REEP5: variants seen among roughly 807,000 people sequenced by gnomAD.
REEP5 encodes the protein receptor accessory protein 5, also known as receptor expression-enhancing protein 5.
A neutral mutation model predicts 22.4 loss-of-function variants in REEP5; 24 were observed. The observed-to-expected ratio is 1.07, with a 90% CI of 0.78 to 1.51. REEP5 has a LOEUF of 1.51. REEP5 is among the 40% of genes most tolerant of loss of function. REEP5 has a pLI of 0.00. For missense variants in REEP5, 252 were observed against 233.0 expected (o/e 1.08, Z -0.53); for synonymous variants, 103 against 88.6 (o/e 1.16, Z -0.92).
rs748333641 is a variant in REEP5 at position 112,902,413 on chromosome 5, G to A, written c.318C>T (p.Phe106=). Residue 106 remains phenylalanine, a synonymous_variant, in exon 3 of 5, where the codon TTC becomes TTT. Transcript: ENST00000379638. ...FSIAEFFSDI[F]LSWFPFYYML... is the part of the protein sequence containing the mutation. ...TGTAGTAGAAGGGGAACCATGACAG[G>A]AAGATATCAGAGAAGAATTCAGCAA... The A allele has an allele frequency of 4.3e-6, 7 of 1,612,958 alleles. No individual in the cohort carries two copies. Among genetic ancestry groups the A allele is most frequent in the Admixed American group, 1.7e-5 (1 of 59,692 alleles).
At chr5:112,917,827 T>C (rs1458835553) in intron 2 of REEP5, among the ~76,000 whole-genome samples, 2 of 152,078 alleles carry the variant, frequency 1.3e-5, no homozygotes, top group African/African-American at 4.8e-5. Flanking sequence ...AGAATGCAGA[T>C]TAGTGGTTTC....
intron 3 of REEP5, 91 bp from the exon 4 acceptor site, chr5:112,887,274 G>A (rs1768285098): frequency 2.5e-6 from 3 of 1,202,902 alleles, no homozygotes; most frequent in Middle Eastern, 3.2e-4. Context: ...CTGGGGATGG[G>A]AGATGCCTCT....
At chr5:112,883,176 A>G (rs905774815) in intron 4 of REEP5, among the ~76,000 whole-genome samples, 15 of 152,266 alleles carry the variant, frequency 9.9e-5, no homozygotes, top group African/African-American at 3.6e-4. Flanking sequence ...TTCCAGTTAT[A>G]GCCCCATTCT....
chr5:112,908,391 C>T lies in REEP5; in HGVS notation c.213-5873G>A, dbSNP rs1769011064. ...GTGCTAAGATTACAAGCGTAAGCCC[C>T]CGTGCCTGGCTGAGCATCAGACTTT... On this transcript the variant is annotated intron_variant, in intron 2 of 4. Transcript: ENST00000379638. Among the ~76,000 whole-genome samples the T allele has an allele frequency of 3.9e-5, 6 of 152,210 alleles. No individual in the cohort carries two copies. The South Asian group carries it at 8.3e-4, about 21-fold the overall frequency.
chr5:112,913,952 G>T (rs1008653903), intron 2 of REEP5, among the ~76,000 whole-genome samples: 1 of 151,752 alleles, frequency 6.6e-6, no homozygotes, highest in Non-Finnish European at 1.5e-5. Flanking sequence ...CCAGGAGTTT[G>T]AGACCAGCCT....
chr5:112,909,699 A>T (rs1769047467), intron 2 of REEP5, among the ~76,000 whole-genome samples: 1 of 152,156 alleles, frequency 6.6e-6, no homozygotes, highest in African/African-American at 2.4e-5. Context: ...GCCATCCCTC[A>T]TCCAGTACAC....
At chr5:112,879,046 A>T (rs931583853) in intron 4 of REEP5, among the ~76,000 whole-genome samples, 1 of 152,022 alleles carries the variant, frequency 6.6e-6, no homozygotes, top group Non-Finnish European at 1.5e-5. Context: ...TAAATACTTG[A>T]GCAAAATACT....
At chr5:112,879,524 A>G (rs1440144249) in intron 4 of REEP5, among the ~76,000 whole-genome samples, 3 of 152,134 alleles carry the variant, frequency 2.0e-5, no homozygotes, top group Non-Finnish European at 2.9e-5. Flanking sequence ...CCCAGCCTGG[A>G]GTGCAGTGGC....
chr5:112,886,348 G>C (rs952000042), intron 4 of REEP5, among the ~76,000 whole-genome samples: 1 of 152,182 alleles, frequency 6.6e-6, no homozygotes, highest in African/African-American at 2.4e-5. Flanking sequence ...CTAAAGAGTG[G>C]TAGTTTGCCC....
chr5:112,913,489 G>A (rs1012272178), intron 2 of REEP5, among the ~76,000 whole-genome samples: 10 of 134,680 alleles, frequency 7.4e-5, no homozygotes, highest in Non-Finnish European at 7.7e-5. Flanking sequence ...AGTGAGTCAT[G>A]ATTGCACCAC....
chr5:112,907,860 G>A (rs1404696822), intron 2 of REEP5, among the ~76,000 whole-genome samples: 1 of 152,158 alleles, frequency 6.6e-6, no homozygotes, highest in Admixed American at 6.5e-5. Flanking sequence ...ACAGTGTTGA[G>A]TGTAAAAAGT....
At position 112,877,706 on chromosome 5, in the gene REEP5, C is replaced by G. The variant is rs1426069883; in HGVS notation, c.*1080G>C. The G allele has an allele frequency of 6.6e-6, 1 of 152,082 alleles. No individual in the cohort carries two copies. Among genetic ancestry groups the G allele is most frequent in the Non-Finnish European group, 1.5e-5 (1 of 68,014 alleles). The allele number at this position is 152,082 out of a possible 1,614,324, so 9.4% of individuals were successfully genotyped here. ...ACTTCCTTTCATTCTCCCAGAATTGCTCTTAGAGCTAGGTGTCGTCATTAG... is the reference window on the plus strand; with the variant it reads ...ACTTCCTTTCATTCTCCCAGAATTGGTCTTAGAGCTAGGTGTCGTCATTAG... On this transcript the variant is annotated 3_prime_UTR_variant, in exon 5 of 5. Transcript: ENST00000379638.
chr5:112,921,406 G>A (rs1245831470), intron 1 of REEP5, 150 bp from the exon 2 acceptor site: 2 of 725,670 alleles, frequency 2.8e-6, no homozygotes, highest in Non-Finnish European at 4.8e-6. Context: ...CACGAAAGCT[G>A]GGCCTGCGCG....
intron 2 of REEP5, among the ~76,000 whole-genome samples, chr5:112,909,524 C>T (rs1769043799): frequency 6.6e-6 from 1 of 152,064 alleles, no homozygotes; most frequent in Admixed American, 6.6e-5. Flanking sequence ...CCATATGCTA[C>T]AGGTAGTAAG....
intron 4 of REEP5, among the ~76,000 whole-genome samples, chr5:112,881,589 C>A (rs1376005730): frequency 6.6e-6 from 1 of 152,082 alleles, no homozygotes; most frequent in Non-Finnish European, 1.5e-5. Context: ...GACCCTAGTA[C>A]AAATGGATCT....
chr5:112,921,168 G>T lies in REEP5; in HGVS notation c.207C>A (p.Tyr69Ter). The T allele has an allele frequency of 6.2e-7, 1 of 1,614,102 alleles. No homozygotes were observed. The highest frequency in any genetic ancestry group is 8.5e-7 in the Non-Finnish European group (1 of 1,179,980). Residue 69 changes from tyrosine to a stop codon, truncating the protein, a stop_gained, in exon 2 of 5, where the codon TAC becomes TAA. Coordinates refer to ENST00000379638, the MANE Select transcript of REEP5 (RefSeq NM_005669.5). LOFTEE classifies it high-confidence loss of function. The part of the protein sequence containing the change: ...CNLIGFGYPA[Y>*]ISIKAIESPN... ...CTGCAGGGTGTGTCACTTACGAGATGTAGGCTGGGTAGCCAAATCCTATCA... is the reference window on the plus strand; with the variant it reads ...CTGCAGGGTGTGTCACTTACGAGATTTAGGCTGGGTAGCCAAATCCTATCA...
intron 2 of REEP5, among the ~76,000 whole-genome samples, chr5:112,903,299 G>T (rs1347050678): frequency 6.6e-6 from 1 of 152,158 alleles, no homozygotes; most frequent in African/African-American, 2.4e-5. Context: ...GAGCTGGACT[G>T]AAACAGTAAA....
chr5:112,886,268 T>G (rs1021864736), intron 4 of REEP5, among the ~76,000 whole-genome samples: 1 of 152,270 alleles, frequency 6.6e-6, no homozygotes, highest in Non-Finnish European at 1.5e-5. Context: ...TATTGTCTTT[T>G]GGCATCCAGC....
Position 112,877,828 on chromosome 5 carries a change from G to C in REEP5, c.*958C>G, listed in dbSNP as rs1354716786. 2 of 152,174 alleles carry C rather than the reference G, an allele frequency of 1.3e-5. No homozygotes were observed. The allele number at this position is 152,174 out of a possible 1,614,324, so 9.4% of individuals were successfully genotyped here. On this transcript the variant is annotated 3_prime_UTR_variant, in exon 5 of 5. Transcript: ENST00000379638. The stretch of plus-strand genomic sequence containing the variant: ...AAACTGGTTTAAAAAAGAAGATTGG[G>C]AAAGAAGACTAAATCAACATGTTTC...
Sources: allele counts gnomAD v4.1 joint callset (sites outside exome capture counted in the v4.1 genomes callset), GRCh38; gene constraint gnomAD v4.1.1; transcripts MANE v1.5; gene names NCBI Gene and HGNC (gene_info 2026-07-23, HGNC 2026-07-21).